BSN: variants seen among roughly 807,000 people sequenced by gnomAD.
The protein encoded by BSN is protein bassoon.
In BSN, 57 loss-of-function variants were observed where a neutral mutation model predicts 264.8. That is an observed-to-expected ratio of 0.22 (90% CI 0.17 to 0.27). The LOEUF is 0.27. Ranked by LOEUF, BSN falls within the 10% of genes least tolerant of loss-of-function variation. The pLI is 1.00. For synonymous variants in BSN, 2,059 were observed against 2,137.3 expected, an observed-to-expected ratio of 0.96 and a Z score of 1.01; for missense variants, 4,615 against 5,232.5, an observed-to-expected ratio of 0.88 and a Z score of 3.64.
intron 1 of BSN, among the ~76,000 whole-genome samples, chr3:49,614,665 G>A (rs761808198): frequency 4.6e-5 from 7 of 152,218 alleles, no homozygotes; most frequent in Non-Finnish European, 7.3e-5. Context: ...CATGGCCTTT[G>A]TGCTTAATTG....
chr3:49,563,994 T>A (rs1298099645), intron 1 of BSN, among the ~76,000 whole-genome samples: 2 of 152,214 alleles, frequency 1.3e-5, no homozygotes, highest in Admixed American at 6.5e-5. Flanking sequence ...ACCTGCCACG[T>A]GCCAGGGCTG....
intron 3 of BSN, among the ~76,000 whole-genome samples, chr3:49,648,790 G>A (rs1476014670): frequency 6.6e-6 from 1 of 152,224 alleles, no homozygotes; most frequent in Non-Finnish European, 1.5e-5. Context: ...AGTCAGTAGT[G>A]GTGTTAGGGC....
At chr3:49,580,360 C>T (rs1165414324) in intron 1 of BSN, among the ~76,000 whole-genome samples, 1 of 152,168 alleles carries the variant, frequency 6.6e-6, no homozygotes, top group Admixed American at 6.5e-5. Flanking sequence ...AATCTTAAGA[C>T]AGTTTTATTG....
chr3:49,570,372 C>T (rs1184249777), intron 1 of BSN, among the ~76,000 whole-genome samples: 1 of 152,186 alleles, frequency 6.6e-6, no homozygotes, highest in Non-Finnish European at 1.5e-5. Context: ...CTTTGCCTGC[C>T]TCCACTCCGC....
intron 2 of BSN, among the ~76,000 whole-genome samples, chr3:49,634,207 TAAA>T (rs77766983): frequency 2.1e-5 from 3 of 139,908 alleles, no homozygotes; most frequent in African/African-American, 5.3e-5. Flanking sequence ...ACTCTGCCTT[TAAA>T]AAAAAAAAAA....
intron 1 of BSN, among the ~76,000 whole-genome samples, chr3:49,612,433 C>T (rs927232808): frequency 5.3e-5 from 8 of 152,186 alleles, no homozygotes; most frequent in African/African-American, 1.9e-4. Context: ...CCACGCCTGG[C>T]CAAATAATGA....
In BSN at chr3:49,642,298, A is replaced by T; in HGVS notation, c.664A>T (p.Met222Leu). ...GGAGTGGCTCTGTCTGAACTGTCAG[A>T]TGCAGAGGGCTCTGGGAATGGACAT... ...VKEWLCLNCQ[M>L]QRALGMDMTT... The change falls in exon 3 of 12, where the codon ATG becomes TTG. Residue 222 changes from methionine (M) to leucine (L), a missense_variant. Physicochemically the swap from Met to Leu is conservative, Grantham distance 15. Transcript: ENST00000296452. This position sits in a 1 kb window ranked among gnomAD's most constrained non-coding sequence, Gnocchi z 7.0. 1.3e-6 allele frequency: 2 copies of T among 1,564,176 alleles called. No individual in the cohort carries two copies. The highest frequency in any genetic ancestry group is 1.7e-6 in the Non-Finnish European group (2 of 1,158,412).
At position 49,643,017 on chromosome 3, in the gene BSN, A is replaced by G. The variant is rs1348907800; in HGVS notation, c.1383A>G (p.Glu461=). The change falls in exon 3 of 12, where the codon GAA becomes GAG. Residue 461 remains glutamate, a synonymous_variant. Transcript: ENST00000296452. ...AAAKPKTMPK[E]RAICPLCQAE... ...CCAAGCCAAAGACCATGCCGAAGGA[A>G]AGGGCCATCTGCCCACTGTGCCAAG... The G allele has an allele frequency of 1.9e-6, 3 of 1,614,006 alleles. No homozygotes were observed. In the African/African-American group the frequency reaches 4.0e-5, roughly 22 times the overall value.
At chr3:49,562,338 G>A (rs922375679) in intron 1 of BSN, among the ~76,000 whole-genome samples, 3 of 152,174 alleles carry the variant, frequency 2.0e-5, no homozygotes, top group African/African-American at 7.2e-5. Context: ...TGAAGTGTGA[G>A]GAATAAAAGA....
At chr3:49,644,688 T>C (rs1559612697) in intron 3 of BSN, among the ~76,000 whole-genome samples, 1 of 152,082 alleles carries the variant, frequency 6.6e-6, no homozygotes, top group Non-Finnish European at 1.5e-5. Flanking sequence ...TCACTGCTGG[T>C]CAGGTGGGGC....
intron 2 of BSN, among the ~76,000 whole-genome samples, chr3:49,631,085 A>G (rs2052380765): frequency 6.6e-6 from 1 of 152,174 alleles, no homozygotes; most frequent in African/African-American, 2.4e-5. Flanking sequence ...GAACTGTCCC[A>G]GACACTGGAG....
intron 1 of BSN, among the ~76,000 whole-genome samples, chr3:49,590,722 CATA>C (rs74693643): frequency 0.12 from 17,486 of 151,790 alleles, 1,165 homozygotes; most frequent in Middle Eastern, 0.21. Context: ...CCCAATAAAG[CATA>C]ATAATTATTA....
At position 49,663,170 on chromosome 3, in the gene BSN, C is replaced by T. The variant is rs2052678836; in HGVS notation, c.11012C>T (p.Ala3671Val). Reference sequence around the variant, plus strand: ...GGACGGCGTGCTGCCAAACCACACGCTCGGGACCTGGGTCGCCATGAGGCC... The same window carrying T: ...GGACGGCGTGCTGCCAAACCACACGTTCGGGACCTGGGTCGCCATGAGGCC... ...EPGRRAAKPH[A>V]RDLGRHEARP... Residue 3671 changes from alanine to valine, a missense_variant, in exon 7 of 12, where the codon GCT (alanine) becomes GTT (valine). Transcript: ENST00000296452. 1.2e-6 allele frequency: 2 copies of T among 1,613,386 alleles called. No homozygotes were observed. Among genetic ancestry groups the T allele is most frequent in the Admixed American group, 3.3e-5 (2 of 59,978 alleles).
intron 2 of BSN, among the ~76,000 whole-genome samples, chr3:49,633,739 G>A (rs1487462406): frequency 1.3e-5 from 2 of 152,120 alleles, no homozygotes; most frequent in African/African-American, 2.4e-5. Context: ...TACACACAAC[G>A]AAATATCATT....
intron 3 of BSN, 37 bp downstream of exon 3, chr3:49,643,189 A>G: frequency 1.3e-6 from 2 of 1,569,492 alleles, no homozygotes; most frequent in Non-Finnish European, 1.7e-6. Context: ...TTGAACCTTG[A>G]TGAGAGGCCG....
intron 5 of BSN, among the ~76,000 whole-genome samples, chr3:49,658,940 G>T (rs1159969835): frequency 6.6e-6 from 1 of 152,232 alleles, no homozygotes; most frequent in Non-Finnish European, 1.5e-5. Flanking sequence ...TGAGTGCCAG[G>T]CTGAGGAGGA....
chr3:49,653,251 C>T lies in BSN; in HGVS notation c.3695C>T (p.Thr1232Ile), dbSNP rs112787310. ...CTGGGCTCCTTCGAATATCAAGACA[C>T]TACAGACCGTGAGTATGGCCAGGCT... is the stretch of plus-strand genomic sequence containing the variant. ...RGLGSFEYQD[T>I]TDREYGQAAQ... Residue 1232 changes from threonine to isoleucine, a missense_variant, in exon 5 of 12, where the codon ACT becomes ATT. Thr to Ile is a moderately conservative substitution (Grantham distance 89). Around this residue, in one of 3 missense-constraint regions of BSN, gnomAD observed 3,415 missense variants for 3,866.4 expected, o/e 0.88. Transcript: ENST00000296452. This position sits in a 1 kb window ranked among gnomAD's most constrained non-coding sequence, Gnocchi z 6.3. The T allele has an allele frequency of 2.7e-3, 4,323 of 1,612,830 alleles. 72 individuals are homozygous for T. In the African/African-American group the frequency reaches 0.039, roughly 15 times the overall value.
At position 49,651,750 on chromosome 3, in the gene BSN, C is replaced by T. The variant is rs773422407; in HGVS notation, c.2194C>T (p.Arg732Trp). Residue 732 changes from arginine (R) to tryptophan (W), a missense_variant, in exon 5 of 12, where the codon CGG becomes TGG. This residue lies in a region of BSN where 1,197 missense variants were observed against 1,348.0 expected (regional missense o/e 0.89). Transcript: ENST00000296452. This position sits in a 1 kb window ranked among gnomAD's most constrained non-coding sequence, Gnocchi z 5.4. The part of the protein sequence containing the change: ...SEIHKVGSSM[R>W]PLLQAQGLAP... ...GATCCACAAGGTGGGGAGCAGCATG[C>T]GGCCTTTGCTGCAGGCCCAGGGCCT... 5.0e-6 allele frequency: 8 copies of T among 1,613,458 alleles called. No individual in the cohort carries two copies. The highest frequency in any genetic ancestry group is 2.2e-5 in the South Asian group (2 of 91,032).
intron 1 of BSN, among the ~76,000 whole-genome samples, chr3:49,618,465 T>C (rs1271467209): frequency 2.0e-5 from 3 of 152,160 alleles, no homozygotes; most frequent in African/African-American, 4.8e-5. Context: ...CATCTTCTTC[T>C]CCTTGAAGAG....
Sources: gnomAD v4.1 joint callset for allele counts (sites outside exome capture counted in the v4.1 genomes callset) on GRCh38, gnomAD v4.1.1 for gene constraint, gnomAD v4.1.1 regional missense constraint, Gnocchi (gnomAD v3.1) non-coding constraint, MANE v1.5 for transcripts, NCBI Gene and HGNC (gene_info 2026-07-23, HGNC 2026-07-21) for gene names.